CDH18: variants seen among roughly 807,000 people sequenced by gnomAD.
The protein encoded by CDH18 is cadherin-18.
A neutral mutation model predicts 67.9 loss-of-function variants in CDH18; 31 were observed. The observed-to-expected ratio is 0.46, with a 90% confidence interval of 0.34 to 0.62. The LOEUF is 0.62. CDH18 is among the 20% of genes least tolerant of loss of function. The pLI is 0.01. For missense variants in CDH18, 890 were observed against 975.5 expected (o/e 0.91, Z 1.17); for synonymous variants, 362 against 347.2 (o/e 1.04, Z -0.48).
intron 8 of CDH18, among the ~76,000 whole-genome samples, chr5:19,549,597 G>A (rs770911584): frequency 1.1e-4 from 17 of 148,046 alleles, no homozygotes; most frequent in Non-Finnish European, 2.1e-4. Flanking sequence ...AGTTTACTTC[G>A]GGAAAAGAAG....
exon 1 of CDH18, chr5:20,575,689 G>C (rs1316539364): frequency 6.6e-6 from 1 of 152,034 alleles, no homozygotes; most frequent in African/African-American, 2.4e-5. Flanking sequence ...CAAGATTATC[G>C]GGTACAAGCA....
At chr5:19,655,068 G>C (rs188817088) in intron 5 of CDH18, among the ~76,000 whole-genome samples, 2 of 152,120 alleles carry the variant, frequency 1.3e-5, no homozygotes, top group Non-Finnish European at 2.9e-5. Context: ...ATGCCAGTTC[G>C]CACTTAGCGC....
intron 2 of CDH18, among the ~76,000 whole-genome samples, chr5:19,919,503 A>G (rs915893831): frequency 7.2e-5 from 11 of 152,186 alleles, no homozygotes; most frequent in African/African-American, 2.4e-4. Flanking sequence ...GGTAGCTACT[A>G]TCAGAATCAA....
At chr5:19,987,298 C>T (rs1203394687) in intron 1 of CDH18, among the ~76,000 whole-genome samples, 1 of 147,216 alleles carries the variant, frequency 6.8e-6, no homozygotes, top group Non-Finnish European at 1.5e-5. Context: ...ACGCATAAGG[C>T]ATAATTTACC....
At chr5:20,509,859 G>T (rs1021119459) in intron 1 of CDH18, among the ~76,000 whole-genome samples, 1 of 152,166 alleles carries the variant, frequency 6.6e-6, no homozygotes, top group Non-Finnish European at 1.5e-5. Context: ...ACATGGGAGT[G>T]CATCTGTGTC....
intron 11 of CDH18, 153 bp downstream of exon 11, chr5:19,502,839 C>T (rs1743481835): frequency 4.5e-6 from 3 of 667,256 alleles, no homozygotes; most frequent in Admixed American, 2.2e-5. Context: ...CAATTTTAAA[C>T]ACAAGCTATT....
intron 2 of CDH18, among the ~76,000 whole-genome samples, chr5:19,851,653 T>C (rs1264604327): frequency 3.9e-5 from 6 of 151,978 alleles, no homozygotes; most frequent in Admixed American, 3.3e-4. Flanking sequence ...GTCTCTTGTA[T>C]ACTTAACTTA....
chr5:20,458,087 T>G (rs1581036524), intron 1 of CDH18, among the ~76,000 whole-genome samples: 1 of 152,168 alleles, frequency 6.6e-6, no homozygotes, highest in East Asian at 1.9e-4. Flanking sequence ...TATCATAGCC[T>G]ATAGCAGCTT....
intron 2 of CDH18, among the ~76,000 whole-genome samples, chr5:19,938,049 T>G (rs1413276920): frequency 6.8e-6 from 1 of 147,940 alleles, no homozygotes; most frequent in African/African-American, 2.5e-5. Flanking sequence ...ATTTATATAT[T>G]TAAATATATA....
chr5:20,198,994 GA>G (rs1415471562), intron 2 of CDH18, among the ~76,000 whole-genome samples: 1 of 152,336 alleles, frequency 6.6e-6, no homozygotes, highest in African/African-American at 2.4e-5. Context: ...GAGGATGCAG[GA>G]AAACACCTGG....
chr5:20,188,086 T>C (rs548767022), intron 2 of CDH18, among the ~76,000 whole-genome samples: 8 of 151,972 alleles, frequency 5.3e-5, no homozygotes, highest in African/African-American at 1.2e-4. Context: ...ATATTCATAC[T>C]ATTTACTTTT....
chr5:19,746,812 A>C, intron 4 of CDH18, 130 bp downstream of exon 4: 2 of 742,104 alleles, frequency 2.7e-6, no homozygotes, highest in Admixed American at 2.9e-5. Context: ...AAAAATACTA[A>C]AATATTTTGA....
chr5:19,603,275 T>C (rs1747455890), intron 6 of CDH18, among the ~76,000 whole-genome samples: 1 of 152,174 alleles, frequency 6.6e-6, no homozygotes, highest in Non-Finnish European at 1.5e-5. Context: ...AGACAAATAT[T>C]GCATGATTCC....
intron 1 of CDH18, among the ~76,000 whole-genome samples, chr5:20,509,709 A>C (rs1754905614): frequency 2.9e-5 from 2 of 69,664 alleles, no homozygotes; most frequent in Non-Finnish European, 6.4e-5. Context: ...ATGAGCCATC[A>C]TGCCCAGCCG....
At chr5:20,113,788 G>A (rs182573023) in intron 2 of CDH18, among the ~76,000 whole-genome samples, 15 of 152,254 alleles carry the variant, frequency 9.9e-5, no homozygotes, top group Non-Finnish European at 1.9e-4. Context: ...AAAAGCTAGC[G>A]CAAGTCCAGA....
At chr5:19,835,998 T>G (rs1781581909) in intron 3 of CDH18, among the ~76,000 whole-genome samples, 1 of 152,170 alleles carries the variant, frequency 6.6e-6, no homozygotes, top group Non-Finnish European at 1.5e-5. Context: ...AAAGATTGTT[T>G]AGAACTGATC....
intron 3 of CDH18, among the ~76,000 whole-genome samples, chr5:19,833,371 G>A (rs1781269487): frequency 6.6e-6 from 1 of 152,046 alleles, no homozygotes; most frequent in South Asian, 2.1e-4. Flanking sequence ...TATCGATTTT[G>A]TATCCTGAGA....
intron 11 of CDH18, among the ~76,000 whole-genome samples, chr5:19,495,628 T>C (rs1283220353): frequency 6.9e-6 from 1 of 143,916 alleles, no homozygotes; most frequent in Non-Finnish European, 1.5e-5. Flanking sequence ...TAATCCCAGC[T>C]ACTCGGCTTG....
At chr5:20,433,039 T>G (rs1226100352) in intron 1 of CDH18, among the ~76,000 whole-genome samples, 1 of 149,964 alleles carries the variant, frequency 6.7e-6, no homozygotes, top group African/African-American at 2.4e-5. Flanking sequence ...ACATAATATT[T>G]AGGCATTGTA....
Sources: allele counts gnomAD v4.1 joint callset (sites outside exome capture counted in the v4.1 genomes callset), GRCh38; gene constraint gnomAD v4.1.1; transcripts MANE v1.5; gene names NCBI Gene and HGNC (gene_info 2026-07-23, HGNC 2026-07-21).